Variants in UBAP1 observed in about 807,000 individuals in gnomAD.
UBAP1 encodes the protein ubiquitin associated protein 1, also known as ubiquitin-associated protein 1.
Under a neutral mutation model 39.0 loss-of-function variants are expected in UBAP1, and 5 were observed. That is an observed-to-expected ratio of 0.13 (90% CI 0.07 to 0.27). The LOEUF is 0.27. Among genes scored for constraint, UBAP1 ranks in the 10% least tolerant of loss-of-function variants. The probability of loss-of-function intolerance (pLI) is 1.00; values close to 1 mark genes in which losing one functional copy is unlikely to be tolerated. For missense variants in UBAP1, 490 were observed against 608.1 expected, an observed-to-expected ratio of 0.81 and a Z score of 2.04; for synonymous variants, 211 against 225.1, an observed-to-expected ratio of 0.94 and a Z score of 0.56.
chr9:34,203,795 AT>A, intron 1 of UBAP1, among the ~76,000 whole-genome samples: 1 of 152,134 alleles, frequency 6.6e-6, no homozygotes, highest in South Asian at 2.1e-4. Context: ...TTCCATCCTT[AT>A]ATTGTTTTTC....
chr9:34,225,614 A>G (rs1418163413), intron 2 of UBAP1, among the ~76,000 whole-genome samples: 4 of 150,886 alleles, frequency 2.7e-5, no homozygotes, highest in African/African-American at 9.7e-5. Context: ...TGTCTCTACT[A>G]AAAATACAAA....
chr9:34,244,401 C>T (rs549890578), intron 4 of UBAP1, among the ~76,000 whole-genome samples: 3 of 130,432 alleles, frequency 2.3e-5, no homozygotes, highest in East Asian at 4.4e-4. Flanking sequence ...CTGAACGGTA[C>T]TCCATTGTGT....
At chr9:34,181,359 AC>A (rs1830020322) in intron 1 of UBAP1, among the ~76,000 whole-genome samples, 1 of 123,330 alleles carries the variant, frequency 8.1e-6, no homozygotes, top group Non-Finnish European at 1.7e-5. Flanking sequence ...CTCGTGATCC[AC>A]CCGTCTTGGC....
intron 1 of UBAP1, among the ~76,000 whole-genome samples, chr9:34,214,649 A>G (rs757269351): frequency 6.6e-6 from 1 of 152,234 alleles, no homozygotes; most frequent in Non-Finnish European, 1.5e-5. Context: ...CTGGGACCCA[A>G]TTAAGCTAAA....
At chr9:34,205,819 C>G (rs1214597062) in intron 1 of UBAP1, among the ~76,000 whole-genome samples, 1 of 152,068 alleles carries the variant, frequency 6.6e-6, no homozygotes, top group African/African-American at 2.4e-5. Flanking sequence ...TGGTGAAACC[C>G]CGTCTCTACT....
chr9:34,182,215 C>G (rs1181428483), intron 1 of UBAP1, among the ~76,000 whole-genome samples: 1 of 145,690 alleles, frequency 6.9e-6, no homozygotes, highest in Non-Finnish European at 1.5e-5. Flanking sequence ...GACTGAGTCT[C>G]GCACTGTTGC....
intron 1 of UBAP1, among the ~76,000 whole-genome samples, chr9:34,206,582 TA>T (rs144167402): frequency 5.6e-5 from 8 of 143,988 alleles, no homozygotes; most frequent in Non-Finnish European, 7.7e-5. Context: ...CATCTTGACT[TA>T]AAAAAAAAAC....
At chr9:34,235,255 TATTA>T (rs1833628247) in intron 3 of UBAP1, among the ~76,000 whole-genome samples, 1 of 152,104 alleles carries the variant, frequency 6.6e-6, no homozygotes, top group Non-Finnish European at 1.5e-5. Context: ...AAGTTAGAGT[TATTA>T]TTTAGAGAAA....
intron 3 of UBAP1, among the ~76,000 whole-genome samples, chr9:34,239,008 A>C (rs1224994859): frequency 2.6e-5 from 4 of 152,176 alleles, no homozygotes; most frequent in African/African-American, 9.7e-5. Flanking sequence ...GCTCCATTCC[A>C]ATGTGGGCCA....
chr9:34,246,821 T>C (rs1834201181), intron 4 of UBAP1, among the ~76,000 whole-genome samples: 1 of 152,182 alleles, frequency 6.6e-6, no homozygotes, highest in Admixed American at 6.5e-5. Flanking sequence ...AGCACTAATA[T>C]TTGTCTCCTT....
chr9:34,202,288 C>T (rs551362884), intron 1 of UBAP1, among the ~76,000 whole-genome samples: 23 of 152,182 alleles, frequency 1.5e-4, no homozygotes, highest in African/African-American at 4.3e-4. Context: ...TGCACCACCA[C>T]GCCCGGCTAA....
chr9:34,239,360 A>C (rs1194747468), intron 3 of UBAP1, among the ~76,000 whole-genome samples: 1 of 152,202 alleles, frequency 6.6e-6, no homozygotes, highest in Non-Finnish European at 1.5e-5. Flanking sequence ...GACTGTCTGG[A>C]GTCTCCATGG....
Position 34,204,179 on chromosome 9 carries a change from T to C in UBAP1, c.-7-16729T>C, listed in dbSNP as rs142473017. On this transcript the variant is annotated intron_variant, in intron 1 of 6. Coordinates refer to ENST00000297661, the MANE Select transcript of UBAP1 (RefSeq NM_016525.5). ...CTGTCTCTACTAAAAATACAAAAAT[T>C]AGCTGGGTGTGATGGCCCACGCCTG... is the stretch of plus-strand genomic sequence containing the variant. Among the ~76,000 whole-genome samples, 635 of 152,188 alleles carry C rather than the reference T, an allele frequency of 4.2e-3. 1 individual carries two copies. The highest frequency in any genetic ancestry group is 0.013 in the African/African-American group (538 of 41,530).
intron 1 of UBAP1, among the ~76,000 whole-genome samples, chr9:34,219,271 A>G (rs1019504937): frequency 1.3e-5 from 2 of 152,072 alleles, no homozygotes; most frequent in Middle Eastern, 6.8e-3. Flanking sequence ...GTATCTTTGT[A>G]GAGATGAGGT....
intron 1 of UBAP1, among the ~76,000 whole-genome samples, chr9:34,217,648 C>T (rs908228059): frequency 2.6e-5 from 4 of 151,342 alleles, no homozygotes; most frequent in Non-Finnish European, 5.9e-5. Context: ...AAAGCCTCTG[C>T]CTTTATGAGA....
intron 2 of UBAP1, among the ~76,000 whole-genome samples, chr9:34,225,654 CCTGT>C (rs1833006920): frequency 6.6e-6 from 1 of 151,780 alleles, no homozygotes; most frequent in African/African-American, 2.4e-5. Flanking sequence ...GTGGCTGGTG[CCTGT>C]AGTCCCAGCT....
chr9:34,192,343 C>T (rs991853705), intron 1 of UBAP1, among the ~76,000 whole-genome samples: 22 of 151,688 alleles, frequency 1.5e-4, no homozygotes, highest in South Asian at 1.2e-3. Flanking sequence ...GGTGAAACCC[C>T]GTCTCTACTG....
chr9:34,226,119 G>GTGTGTGTGTGTGTGTGTGTGTGTTTT (rs1563911152), intron 2 of UBAP1, among the ~76,000 whole-genome samples: 1 of 97,458 alleles, frequency 1.0e-5, no homozygotes, highest in Non-Finnish European at 2.3e-5. Context: ...GTGTGTGTGT[G>GTGTGTGTGTGTGTGTGTGTGTGTTTT]TGTGTGTGTG....
chr9:34,229,140 G>A (rs1833272025), intron 2 of UBAP1, among the ~76,000 whole-genome samples: 1 of 151,952 alleles, frequency 6.6e-6, no homozygotes, highest in African/African-American at 2.4e-5. Context: ...CATCTTTTCT[G>A]TCCCTAAGCC....
Sources: allele counts gnomAD v4.1 joint callset (sites outside exome capture counted in the v4.1 genomes callset), GRCh38; gene constraint gnomAD v4.1.1; transcripts MANE v1.5; gene names NCBI Gene and HGNC (gene_info 2026-07-23, HGNC 2026-07-21).